The following DMXL1 variants were observed in gnomAD, a reference collection of about 807,000 sequenced individuals.
DMXL1 encodes Dmx like 1, also known as dmX-like protein 1.
Under a neutral mutation model 319.2 loss-of-function variants are expected in DMXL1, and 99 were observed. The ratio of observed to expected loss-of-function variants is 0.31; its 90% CI spans 0.26 to 0.37. The LOEUF is 0.37. Among genes scored for constraint, DMXL1 ranks in the 10% least tolerant of loss-of-function variants. The pLI, the probability that DMXL1 is intolerant of heterozygous loss-of-function variation, is 1.00. For synonymous variants in DMXL1, 1,385 were observed against 1,235.2 expected, an observed-to-expected ratio of 1.12 and a Z score of -2.54; for missense variants, 3,745 against 3,595.6, an observed-to-expected ratio of 1.04 and a Z score of -1.06.
At chr5:119,206,756 A>T in intron 33 of DMXL1, 78 bp from the exon 34 acceptor site, 1 of 863,418 alleles carries the variant, frequency 1.2e-6, no homozygotes, top group Non-Finnish European at 1.8e-6. Flanking sequence ...AAAATATAGC[A>T]TTGAAACAAT....
intron 1 of DMXL1, among the ~76,000 whole-genome samples, chr5:119,089,275 T>C (rs1242977067): frequency 4.9e-5 from 3 of 61,428 alleles, no homozygotes; most frequent in Admixed American, 2.2e-4. Context: ...TATATATATA[T>C]ACATATATAT....
chr5:119,078,919 A>G (rs1751584246), intron 1 of DMXL1, among the ~76,000 whole-genome samples: 1 of 152,212 alleles, frequency 6.6e-6, no homozygotes, highest in African/African-American at 2.4e-5. Flanking sequence ...TAATTTAGCA[A>G]CAGTCTTTGT....
At chr5:119,204,978 A>C (rs995027636) in intron 33 of DMXL1, among the ~76,000 whole-genome samples, 3 of 152,190 alleles carry the variant, frequency 2.0e-5, no homozygotes, top group Non-Finnish European at 4.4e-5. Context: ...TTTAAGTGGA[A>C]ACTGTATATG....
At chr5:119,128,090 C>G (rs370419284) in intron 9 of DMXL1, 4 of 470,386 alleles carry the variant, frequency 8.5e-6, no homozygotes, top group East Asian at 5.6e-5. Context: ...TTACTATTAC[C>G]CATTGCAAGT....
Position 119,071,389 on chromosome 5 carries a change from T to A in DMXL1, c.-181T>A, listed in dbSNP as rs1414254034. 1.3e-5 allele frequency: 8 copies of A among 594,194 alleles called. No individual in the cohort carries two copies. In the East Asian group the frequency reaches 2.3e-4, roughly 17 times the overall value. The allele number at this position is 594,194 out of a possible 1,614,324, so 36.8% of individuals were successfully genotyped here. On this transcript the variant is annotated 5_prime_UTR_variant, in exon 1 of 44. Coordinates refer to ENST00000539542, the MANE Select transcript of DMXL1 (RefSeq NM_001290321.3). ...GACCCGCCCCCTCCGGGCCTCGCCC[T>A]CCGGGGCTCGGGATGAGTCGCGGGC...
At chr5:119,129,180 A>C in intron 9 of DMXL1, 31 bp from the exon 10 acceptor site, 1 of 1,427,312 alleles carries the variant, frequency 7.0e-7, no homozygotes, top group Non-Finnish European at 9.6e-7. Context: ...GAAGGTAAAA[A>C]TTTTAATTTT....
rs73242969 is a variant in DMXL1 at position 119,172,038 on chromosome 5, G to C, written c.6681+69G>C. 5.5e-3 allele frequency: 7,626 copies of C among 1,385,528 alleles called. 372 individuals carry two copies. The African/African-American group carries it at 0.098, about 18-fold the overall frequency. The allele number at this position is 1,385,528 out of a possible 1,614,324, so 85.8% of individuals were successfully genotyped here. A position where few individuals can be genotyped will look rare whatever the true frequency, so the allele number is the denominator to read the frequency against. Reference sequence around the variant, plus strand: ...ATAAAACTACAAGATAAATATTAAGGCTTTTTTTTAAGTAATTTTAAACAT... The same window carrying C: ...ATAAAACTACAAGATAAATATTAAGCCTTTTTTTTAAGTAATTTTAAACAT... On this transcript the variant is annotated intron_variant, in intron 25 of 43. Coordinates refer to ENST00000539542, the MANE Select transcript of DMXL1 (RefSeq NM_001290321.3).
chr5:119,130,740 G>A (rs555395909), intron 10 of DMXL1, among the ~76,000 whole-genome samples: 82 of 152,174 alleles, frequency 5.4e-4, no homozygotes, highest in Non-Finnish European at 1.1e-3. Context: ...TGTCTAACAG[G>A]TCTTCTATTG....
rs79343579 is a variant in DMXL1 at position 119,238,520 on chromosome 5, A to G, written c.8560-469A>G. On this transcript the variant is annotated intron_variant, in intron 40 of 43. Coordinates refer to ENST00000539542, the MANE Select transcript of DMXL1 (RefSeq NM_001290321.3). ...TTAAAAGCTTAAATATTTTTGAAAA[A>G]TATATGTCAATTATTTAACAAAAGT... 6.9e-4 allele frequency among the ~76,000 whole-genome samples: 105 copies of G among 152,256 alleles called. 5 individuals carry two copies. In the East Asian group the frequency reaches 0.019, roughly 28 times the overall value.
At chr5:119,174,110 C>T (rs1360234362) in intron 25 of DMXL1, among the ~76,000 whole-genome samples, 2 of 152,034 alleles carry the variant, frequency 1.3e-5, no homozygotes, top group Non-Finnish European at 2.9e-5. Flanking sequence ...TGAGTCTACT[C>T]ACATTACAGA....
At chr5:119,125,242 G>T (rs1369001671) in intron 9 of DMXL1, among the ~76,000 whole-genome samples, 1 of 152,046 alleles carries the variant, frequency 6.6e-6, no homozygotes, top group African/African-American at 2.4e-5. Flanking sequence ...CTCTTCAAGG[G>T]TAAAAAGACT....
chr5:119,152,590 T>C (rs943403497), intron 19 of DMXL1, among the ~76,000 whole-genome samples: 3 of 152,226 alleles, frequency 2.0e-5, no homozygotes. Context: ...TACTTTGAAC[T>C]ATCTTAGACT....
At chr5:119,234,682 A>G (rs556429047) in intron 39 of DMXL1, among the ~76,000 whole-genome samples, 12 of 152,200 alleles carry the variant, frequency 7.9e-5, no homozygotes, top group East Asian at 1.9e-4. Context: ...TTCTCTATCA[A>G]TGTGCTTTTT....
Position 119,171,641 on chromosome 5 carries a change from C to T in DMXL1, c.6490-137C>T, listed in dbSNP as rs547816099. 4 of 642,762 alleles carry T rather than the reference C, an allele frequency of 6.2e-6. No homozygotes were observed. In the South Asian group the frequency reaches 1.4e-4, roughly 22 times the overall value. The allele number at this position is 642,762 out of a possible 1,614,324, so 39.8% of individuals were successfully genotyped here. On this transcript the variant is annotated intron_variant, in intron 24 of 43. Coordinates refer to ENST00000539542, the MANE Select transcript of DMXL1 (RefSeq NM_001290321.3). Reference sequence around the variant, plus strand: ...TATTGAAATGCTGACTTCTTCACATCCCTTCTAACTCTAAGTTTCTATTAT... The same window carrying T: ...TATTGAAATGCTGACTTCTTCACATTCCTTCTAACTCTAAGTTTCTATTAT...
Position 119,148,861 on chromosome 5 carries a change from T to G in DMXL1, c.3034T>G (p.Ser1012Ala). ...CRVTDGESATSKNGKIDLAYI... is the reference protein window; with the variant it reads ...CRVTDGESATAKNGKIDLAYI... ...AGTAACAGATGGAGAATCTGCCACGTCAAAGAATGGAAAAATTGATCTTGC... is the reference window on the plus strand; with the variant it reads ...AGTAACAGATGGAGAATCTGCCACGGCAAAGAATGGAAAAATTGATCTTGC... Residue 1012 changes from serine (S) to alanine (A), a missense_variant, in exon 18 of 44, where the codon TCA becomes GCA. Ser to Ala is a moderately conservative substitution (Grantham distance 99). Transcript: ENST00000539542. The G allele has an allele frequency of 6.2e-7, 1 of 1,613,794 alleles. No individual in the cohort carries two copies. The highest frequency in any genetic ancestry group is 8.5e-7 in the Non-Finnish European group (1 of 1,179,796).
chr5:119,173,688 G>GTGTGTGTGTGTATATATATA (rs1249728290), intron 25 of DMXL1, among the ~76,000 whole-genome samples: 1 of 113,086 alleles, frequency 8.8e-6, no homozygotes, highest in African/African-American at 2.7e-5. Flanking sequence ...GTGTGTGTGT[G>GTGTGTGTGTGTATATATATA]TGTGTGTGTG....
chr5:119,237,478 C>T (rs183375344), intron 40 of DMXL1, 64 bp downstream of exon 40: 126 of 970,048 alleles, frequency 1.3e-4, no homozygotes, highest in Admixed American at 6.4e-4. Flanking sequence ...ACCAAGAATA[C>T]GTATTTGAGA....
intron 42 of DMXL1, among the ~76,000 whole-genome samples, chr5:119,241,646 T>C (rs1455810172): frequency 6.6e-6 from 1 of 152,132 alleles, no homozygotes; most frequent in Non-Finnish European, 1.5e-5. Context: ...TCTTGTAATG[T>C]CTTGACTTTG....
intron 19 of DMXL1, among the ~76,000 whole-genome samples, chr5:119,158,092 G>C (rs192549703): frequency 6.6e-6 from 1 of 151,578 alleles, no homozygotes; most frequent in South Asian, 2.1e-4. Flanking sequence ...GGGTCTTGCT[G>C]TGTTGCCCAG....
Sources: allele counts gnomAD v4.1 joint callset (sites outside exome capture counted in the v4.1 genomes callset), GRCh38; gene constraint gnomAD v4.1.1; transcripts MANE v1.5; gene names NCBI Gene and HGNC (gene_info 2026-07-23, HGNC 2026-07-21).